Variants in KIAA2012 observed in about 807,000 individuals in gnomAD.
KIAA2012 encodes the protein KIAA2012, also known as uncharacterized protein KIAA2012.
In KIAA2012, 125 loss-of-function variants were observed where a neutral mutation model predicts 150.6. The ratio of observed to expected loss-of-function variants is 0.83; its 90% CI spans 0.72 to 0.96. The LOEUF is 0.96. Ranked by LOEUF, KIAA2012 falls within the 40% of genes least tolerant of loss-of-function variation. The probability of loss-of-function intolerance (pLI) is 0.00; values close to 1 mark genes in which losing one functional copy is unlikely to be tolerated. For missense variants in KIAA2012, 1,219 were observed against 1,354.9 expected (o/e 0.90, Z 1.57); for synonymous variants, 462 against 504.7 (o/e 0.92, Z 1.13).
chr2:202,163,780 A>ATT, intron 14 of KIAA2012, among the ~76,000 whole-genome samples: 1 of 123,368 alleles, frequency 8.1e-6, no homozygotes, highest in Non-Finnish European at 1.7e-5. Context: ...TTATTCAGGG[A>ATT]ATTTTTTTTT....
chr2:202,121,285 T>C (rs1690647234), intron 11 of KIAA2012, among the ~76,000 whole-genome samples: 1 of 151,788 alleles, frequency 6.6e-6, no homozygotes, highest in Admixed American at 6.5e-5. Flanking sequence ...TTTATCTTTT[T>C]GCGTCTCTTG....
chr2:202,113,026 TCA>T (rs1388289216), intron 10 of KIAA2012, among the ~76,000 whole-genome samples: 12 of 152,088 alleles, frequency 7.9e-5, no homozygotes, highest in Non-Finnish European at 5.9e-5. Context: ...TCCCTTTCCT[TCA>T]CACAGAGTGC....
chr2:202,094,108 C>T (rs1689802817), intron 4 of KIAA2012, among the ~76,000 whole-genome samples: 1 of 152,154 alleles, frequency 6.6e-6, no homozygotes, highest in Non-Finnish European at 1.5e-5. Flanking sequence ...ATAGTGAGAC[C>T]CTGTCTCTAC....
chr2:202,093,293 A>T (rs1689779380), intron 4 of KIAA2012, 108 bp downstream of exon 4: 3 of 1,132,476 alleles, frequency 2.6e-6, no homozygotes, highest in Non-Finnish European at 3.8e-6. Flanking sequence ...TCTGGGTTGC[A>T]TAGTCCTCAA....
chr2:202,078,154 G>A (rs1689364628), intron 2 of KIAA2012, among the ~76,000 whole-genome samples: 1 of 152,164 alleles, frequency 6.6e-6, no homozygotes, highest in African/African-American at 2.4e-5. Flanking sequence ...TTATTACTAG[G>A]CAAAACACTG....
intron 9 of KIAA2012, among the ~76,000 whole-genome samples, chr2:202,106,253 CACT>C (rs1348126978): frequency 6.6e-6 from 1 of 152,180 alleles, no homozygotes; most frequent in Admixed American, 6.5e-5. Flanking sequence ...CTCATCCCAC[CACT>C]ATTTTCTGGT....
chr2:202,126,589 A>G (rs2105937355), intron 12 of KIAA2012, among the ~76,000 whole-genome samples: 1 of 148,798 alleles, frequency 6.7e-6, no homozygotes, highest in South Asian at 2.2e-4. Flanking sequence ...CAGCTCTTAA[A>G]TAGGAGCCCT....
At chr2:202,083,236 C>A (rs1463559059) in intron 2 of KIAA2012, among the ~76,000 whole-genome samples, 2 of 152,174 alleles carry the variant, frequency 1.3e-5, no homozygotes, top group Non-Finnish European at 2.9e-5. Flanking sequence ...TTATCATTTG[C>A]ACAGAATCCC....
intron 13 of KIAA2012, among the ~76,000 whole-genome samples, chr2:202,143,688 A>G (rs1691245647): frequency 6.6e-6 from 1 of 152,228 alleles, no homozygotes; most frequent in Non-Finnish European, 1.5e-5. Context: ...GTATTCAGCA[A>G]GCTGAACGGG....
intron 4 of KIAA2012, 122 bp from the exon 5 acceptor site, chr2:202,097,313 G>A: frequency 7.0e-7 from 1 of 1,431,382 alleles, no homozygotes; most frequent in Non-Finnish European, 9.3e-7. Context: ...GGGAGGAGGG[G>A]GAGCAAGGGA....
intron 12 of KIAA2012, chr2:202,137,315 CTT>C (rs11336637): frequency 0.011 from 1,333 of 122,082 alleles, 15 homozygotes; most frequent in African/African-American, 0.035. Context: ...ATTAAAGTTA[CTT>C]TTTTTTTTTT....
intron 4 of KIAA2012, among the ~76,000 whole-genome samples, chr2:202,095,504 T>A (rs1223324983): frequency 6.6e-6 from 1 of 152,222 alleles, no homozygotes; most frequent in Non-Finnish European, 1.5e-5. Flanking sequence ...GCTACTCCAA[T>A]GCACATTATC....
intron 2 of KIAA2012, among the ~76,000 whole-genome samples, chr2:202,076,267 G>A (rs1222952271): frequency 6.6e-6 from 1 of 152,218 alleles, no homozygotes; most frequent in Non-Finnish European, 1.5e-5. Context: ...TGGGGACCAT[G>A]TCTAAATCAT....
chr2:202,077,934 A>G (rs1316970884), intron 2 of KIAA2012, among the ~76,000 whole-genome samples: 3 of 152,232 alleles, frequency 2.0e-5, no homozygotes, highest in Non-Finnish European at 4.4e-5. Flanking sequence ...TTAAAATCAT[A>G]ATACCCAGTG....
intron 11 of KIAA2012, chr2:202,114,181 G>A (rs1003811441): frequency 1.3e-5 from 2 of 152,294 alleles, no homozygotes; most frequent in African/African-American, 2.4e-5. Flanking sequence ...TAAGTTGCCA[G>A]ATGACTTTGA....
chr2:202,168,401 G>A (rs1691816864), intron 15 of KIAA2012, among the ~76,000 whole-genome samples: 1 of 126,694 alleles, frequency 7.9e-6, no homozygotes, highest in Non-Finnish European at 1.6e-5. Flanking sequence ...CCTGACGACA[G>A]AGCAAGACTC....
chr2:202,143,955 C>T (rs1204767013), intron 13 of KIAA2012, among the ~76,000 whole-genome samples: 1 of 152,088 alleles, frequency 6.6e-6, no homozygotes, highest in African/African-American at 2.4e-5. Context: ...AAAAGAGGGG[C>T]GCTTGAGCCC....
intron 15 of KIAA2012, among the ~76,000 whole-genome samples, chr2:202,175,909 T>A (rs1442638843): frequency 6.6e-6 from 1 of 152,094 alleles, no homozygotes. Context: ...GAATAGAGAA[T>A]CCAGAAATAA....
intron 22 of KIAA2012, 99 bp downstream of exon 22, chr2:202,197,118 GT>G: frequency 6.6e-7 from 1 of 1,516,108 alleles, no homozygotes. Flanking sequence ...GACAAGAAAA[GT>G]CCCCCCACCC....
Sources: gnomAD v4.1 joint callset for allele counts (sites outside exome capture counted in the v4.1 genomes callset) on GRCh38, gnomAD v4.1.1 for gene constraint, MANE v1.5 for transcripts, NCBI Gene and HGNC (gene_info 2026-07-23, HGNC 2026-07-21) for gene names.